GABRB1: variants seen among roughly 807,000 people sequenced by gnomAD.
GABRB1 encodes gamma-aminobutyric acid receptor subunit beta-1.
Under a neutral mutation model 51.6 loss-of-function variants are expected in GABRB1, and 17 were observed. The ratio of observed to expected loss-of-function variants is 0.33; its 90% CI spans 0.23 to 0.49. The LOEUF is 0.49. Ranked by LOEUF, GABRB1 falls within the 20% of genes least tolerant of loss-of-function variation. The pLI, the probability that GABRB1 is intolerant of heterozygous loss-of-function variation, is 0.99. For missense variants in GABRB1, 410 were observed against 600.6 expected (o/e 0.68, Z 3.32); for synonymous variants, 247 against 218.9 (o/e 1.13, Z -1.14).
intron 5 of GABRB1, among the ~76,000 whole-genome samples, chr4:47,401,544 G>A (rs1728384157): frequency 6.6e-6 from 1 of 152,158 alleles, no homozygotes; most frequent in African/African-American, 2.4e-5. Context: ...TCTCTCTAGT[G>A]GCTGAGGGGG....
intron 3 of GABRB1, among the ~76,000 whole-genome samples, chr4:47,047,811 A>G (rs907747034): frequency 1.3e-5 from 2 of 152,162 alleles, no homozygotes; most frequent in Non-Finnish European, 2.9e-5. Context: ...TATTAATCAG[A>G]AACAGGAAGA....
At chr4:47,260,243 T>C (rs1722376798) in intron 4 of GABRB1, among the ~76,000 whole-genome samples, 1 of 151,780 alleles carries the variant, frequency 6.6e-6, no homozygotes, top group South Asian at 2.1e-4. Context: ...ATGGGTTTCC[T>C]GAATACAGCA....
At position 47,007,886 on chromosome 4, in the gene GABRB1, A is replaced by G. The variant is rs1577819520; in HGVS notation, c.-20+13960A>G. ...AACTGGTATATATATATATATATAT[A>G]TATATATAAAATCAAGTTTGTATTT... On this transcript the variant is annotated intron_variant, in intron 1 of 3. Transcript: ENST00000513567. Among the ~76,000 whole-genome samples, 2 of 23,558 alleles carry G rather than the reference A, an allele frequency of 8.5e-5. 1 individual carries two copies. Among genetic ancestry groups the G allele is most frequent in the South Asian group, 3.4e-3 (2 of 584 alleles). The allele number at this position is 23,558 out of a possible 152,430, so 15.5% of individuals were successfully genotyped here. A position where few individuals can be genotyped will look rare whatever the true frequency, so the allele number is the denominator to read the frequency against.
At chr4:47,065,942 G>A (rs966263402) in intron 3 of GABRB1, among the ~76,000 whole-genome samples, 1 of 152,172 alleles carries the variant, frequency 6.6e-6, no homozygotes, top group African/African-American at 2.4e-5. Context: ...TTAGGTGTCT[G>A]TACTGTGTGT....
intron 4 of GABRB1, among the ~76,000 whole-genome samples, chr4:47,265,926 G>A (rs184876885): frequency 1.3e-5 from 2 of 152,118 alleles, no homozygotes; most frequent in East Asian, 3.9e-4. Context: ...TGTTTCTTTT[G>A]CTGTGCAGAA....
intron 3 of GABRB1, among the ~76,000 whole-genome samples, chr4:47,095,377 A>G (rs1714360786): frequency 6.6e-6 from 1 of 152,082 alleles, no homozygotes; most frequent in Non-Finnish European, 1.5e-5. Context: ...TGCAGTGCCA[A>G]GGAGAAAGGC....
chr4:47,421,962 A>C lies in GABRB1; in HGVS notation c.1081-3712A>C, dbSNP rs961967430. On this transcript the variant is annotated intron_variant, in intron 8 of 8. Coordinates refer to ENST00000295454, the MANE Select transcript of GABRB1 (RefSeq NM_000812.4). ...TAATGTAATTCTCCCTCCTTTAAGG[A>C]ATTCAAGCATTTTGGTCCTCATCAC... is the stretch of plus-strand genomic sequence containing the variant. Among the ~76,000 whole-genome samples the C allele has an allele frequency of 1.3e-5, 2 of 152,110 alleles. 1 individual carries two copies. The highest frequency in any genetic ancestry group is 3.9e-4 in the East Asian group (2 of 5,192).
chr4:47,269,404 A>G (rs1054472885), intron 4 of GABRB1, among the ~76,000 whole-genome samples: 3 of 152,240 alleles, frequency 2.0e-5, no homozygotes, highest in Non-Finnish European at 2.9e-5. Context: ...ACAGAATTTC[A>G]TTGGAGCTAA....
At chr4:47,238,587 C>G (rs1001416477) in intron 4 of GABRB1, among the ~76,000 whole-genome samples, 1 of 152,140 alleles carries the variant, frequency 6.6e-6, no homozygotes, top group African/African-American at 2.4e-5. Flanking sequence ...TCCAGTTCTG[C>G]TCTTCATGTG....
At chr4:47,144,653 A>T (rs1717077291) in intron 3 of GABRB1, among the ~76,000 whole-genome samples, 1 of 151,908 alleles carries the variant, frequency 6.6e-6, no homozygotes, top group South Asian at 2.1e-4. Context: ...CGGTGACAGA[A>T]CTCATTATAG....
chr4:47,101,161 G>A (rs756077799), intron 3 of GABRB1, among the ~76,000 whole-genome samples: 4 of 151,944 alleles, frequency 2.6e-5, no homozygotes, highest in African/African-American at 4.8e-5. Flanking sequence ...ACATGTTTTC[G>A]AACTAGACTC....
At chr4:47,128,538 C>T (rs952729513) in intron 3 of GABRB1, among the ~76,000 whole-genome samples, 1 of 151,986 alleles carries the variant, frequency 6.6e-6, no homozygotes, top group Non-Finnish European at 1.5e-5. Context: ...AAGCTAGACA[C>T]AAAGACTCTA....
chr4:47,238,325 A>G (rs762870416), intron 4 of GABRB1, among the ~76,000 whole-genome samples: 1 of 152,132 alleles, frequency 6.6e-6, no homozygotes, highest in Non-Finnish European at 1.5e-5. Context: ...TTTTTAAATT[A>G]TCAAAAATAG....
At chr4:47,404,461 T>C (rs1728499617) in intron 7 of GABRB1, among the ~76,000 whole-genome samples, 1 of 150,316 alleles carries the variant, frequency 6.7e-6, no homozygotes, top group African/African-American at 2.5e-5. Flanking sequence ...CAGTTATCTC[T>C]TTCTGGGGCT....
chr4:47,043,930 C>G (rs972444922), intron 3 of GABRB1, among the ~76,000 whole-genome samples: 7 of 152,036 alleles, frequency 4.6e-5, no homozygotes, highest in Non-Finnish European at 7.4e-5. Context: ...CATGAGAGAA[C>G]AGGTTTGCTT....
intron 3 of GABRB1, among the ~76,000 whole-genome samples, chr4:47,112,899 A>C (rs1715291555): frequency 6.6e-6 from 1 of 152,104 alleles, no homozygotes; most frequent in Non-Finnish European, 1.5e-5. Flanking sequence ...CTAAAAAGAA[A>C]CCCTATCTCT....
At chr4:47,291,462 C>T (rs188792820) in intron 4 of GABRB1, among the ~76,000 whole-genome samples, 1 of 152,314 alleles carries the variant, frequency 6.6e-6, no homozygotes, top group Non-Finnish European at 1.5e-5. Flanking sequence ...ATATGGGGCA[C>T]TGCCTAGTGA....
At chr4:47,044,133 C>G (rs1725980660) in intron 3 of GABRB1, among the ~76,000 whole-genome samples, 1 of 152,098 alleles carries the variant, frequency 6.6e-6, no homozygotes, top group African/African-American at 2.4e-5. Context: ...TTTGCTTGAT[C>G]TGACAGTGAC....
intron 3 of GABRB1, among the ~76,000 whole-genome samples, chr4:47,145,798 A>G (rs948631343): frequency 6.6e-6 from 1 of 152,104 alleles, no homozygotes; most frequent in African/African-American, 2.4e-5. Context: ...AATCGTTACC[A>G]TAGCAACTCC....
Sources: allele counts gnomAD v4.1 joint callset (sites outside exome capture counted in the v4.1 genomes callset), GRCh38; gene constraint gnomAD v4.1.1; transcripts MANE v1.5; gene names NCBI Gene and HGNC (gene_info 2026-07-23, HGNC 2026-07-21).